Variants in SRPRA observed in about 807,000 individuals in gnomAD.
SRPRA encodes SRP receptor subunit alpha.
SRPRA carries 30 observed loss-of-function variants against 61.1 expected under a neutral mutation model. That is an observed-to-expected ratio of 0.49 (90% confidence interval 0.37 to 0.67). The LOEUF (loss-of-function observed/expected upper bound fraction) is 0.67, where lower values mean the gene tolerates loss of function less well. Among genes scored for constraint, SRPRA ranks in the 30% least tolerant of loss-of-function variants. The pLI is 0.00. For missense variants in SRPRA, 759 were observed against 828.4 expected (o/e 0.92, Z 1.03); for synonymous variants, 324 against 299.7 (o/e 1.08, Z -0.84).
the SRPRA span, among the ~76,000 whole-genome samples, chr11:126,246,197 C>T: frequency 4.3e-4 from 65 of 151,926 alleles, 1 homozygote; most frequent in South Asian, 0.012. Context: ...AGAAGTATTG[C>T]GATTATGTTT....
chr11:126,240,765 A>G, the SRPRA span: 17 of 1,580,686 alleles, frequency 1.1e-5, no homozygotes, highest in African/African-American at 4.1e-5. Context: ...GGATATTCCA[A>G]TCCTCTCATT....
At chr11:126,266,140 C>T (rs1950804727) in intron 7 of SRPRA, 47 bp downstream of exon 7, 4 of 1,612,852 alleles carry the variant, frequency 2.5e-6, no homozygotes, top group Non-Finnish European at 3.4e-6. Context: ...TTGTATCTTA[C>T]CAGTTTTGCA....
chr11:126,256,444 C>A, the SRPRA span: 2 of 794,940 alleles, frequency 2.5e-6, no homozygotes, highest in Non-Finnish European at 4.0e-6. The surrounding 1 kb of genome is among the most constrained non-coding windows in gnomAD (Gnocchi z 6.6). Context: ...TGGGACATAC[C>A]AACCCACTTA....
chr11:126,246,548 T>A, the SRPRA span, among the ~76,000 whole-genome samples: 2 of 152,172 alleles, frequency 1.3e-5, no homozygotes, highest in African/African-American at 2.4e-5. Flanking sequence ...GGCACATAGT[T>A]GATGCACTAG....
At chr11:126,254,876 A>G in the SRPRA span, among the ~76,000 whole-genome samples, 1 of 152,218 alleles carries the variant, frequency 6.6e-6, no homozygotes, top group African/African-American at 2.4e-5. Flanking sequence ...GTGCTTCTTA[A>G]CTTATGGGTG....
rs962862255 is a variant in SRPRA at position 126,267,817 on chromosome 11, C to A, written c.202-105G>T. 1 of 1,519,314 alleles carries A rather than the reference C, an allele frequency of 6.6e-7. No homozygotes were observed. Among genetic ancestry groups the A allele is most frequent in the East Asian group, 2.3e-5 (1 of 44,150 alleles). 94.1% of individuals were successfully genotyped at this position (1,519,314 alleles called of 1,614,324 possible). A position where few individuals can be genotyped will look rare whatever the true frequency, so the allele number is the denominator to read the frequency against. On this transcript the variant is annotated intron_variant, in intron 2 of 13. Coordinates refer to ENST00000332118, the MANE Select transcript of SRPRA (RefSeq NM_003139.4). This position sits in a 1 kb window ranked among gnomAD's most constrained non-coding sequence, Gnocchi z 4.2. ...TCAGAGATAGGTTCAGCTACCTGGC[C>A]GGTTTCCCTGTCCTGAGAGGCAGCC...
At position 126,263,219 on chromosome 11, in the gene SRPRA, A is replaced by G. The variant is rs1350494007; in HGVS notation, c.*697T>C. 6.6e-6 allele frequency: 1 copy of G among 152,390 alleles called. No homozygotes were observed. Among genetic ancestry groups the G allele is most frequent in the Non-Finnish European group, 1.5e-5 (1 of 68,092 alleles). 9.4% of individuals were successfully genotyped at this position (152,390 alleles called of 1,614,324 possible). ...CCAGGAAGGGGAACATGCAGAGCTTACTTCTGGATTCTGGGAGTGGGAAGA... is the reference window on the plus strand; with the variant it reads ...CCAGGAAGGGGAACATGCAGAGCTTGCTTCTGGATTCTGGGAGTGGGAAGA... On this transcript the variant is annotated 3_prime_UTR_variant, in exon 14 of 14. Transcript: ENST00000332118.
the SRPRA span, among the ~76,000 whole-genome samples, chr11:126,239,477 C>G: frequency 6.6e-6 from 1 of 152,126 alleles, no homozygotes; most frequent in Non-Finnish European, 1.5e-5. Flanking sequence ...CTTGATTGCT[C>G]TGAACTGAAA....
At chr11:126,254,200 G>A in the SRPRA span, 2 of 1,366,270 alleles carry the variant, frequency 1.5e-6, no homozygotes, top group African/African-American at 1.5e-5. Context: ...AAGCTAGAGA[G>A]TTTATGTCAG....
Position 126,266,903 on chromosome 11 carries a change from A to G in SRPRA, c.546T>C (p.Ala182=). ...TTTCTGCAGGGACTGGTTTGCTGGT[A>G]GCCAAAGGACCATCAGAACCTGTTG... ...AKKEGSDGPL[A]TSKPVPAEKS... The change falls in exon 5 of 14, where the codon GCT becomes GCC. Residue 182 remains alanine (A), a synonymous_variant. Coordinates refer to ENST00000332118, the MANE Select transcript of SRPRA (RefSeq NM_003139.4). 1 of 1,614,174 alleles carries G rather than the reference A, an allele frequency of 6.2e-7. No homozygotes were observed. The highest frequency in any genetic ancestry group is 8.5e-7 in the Non-Finnish European group (1 of 1,180,012).
downstream of SRPRA, chr11:126,261,557 A>G: frequency 7.7e-7 from 1 of 1,303,718 alleles, no homozygotes; most frequent in Non-Finnish European, 1.1e-6. Context: ...TTAAGAATAT[A>G]GAGAATGTTA....
chr11:126,255,438 A>AT, the SRPRA span, among the ~76,000 whole-genome samples: 30 of 152,098 alleles, frequency 2.0e-4, no homozygotes, highest in African/African-American at 5.3e-4. The surrounding 1 kb of genome is among the most constrained non-coding windows in gnomAD (Gnocchi z 4.6). Flanking sequence ...CATCTCTGAC[A>AT]TTGAGTGATC....
In SRPRA at chr11:126,264,696, G is replaced by C; in HGVS notation, c.1526-157C>G. 1.1e-6 allele frequency: 1 copy of C among 897,378 alleles called. No homozygotes were observed. Among genetic ancestry groups the C allele is most frequent in the Non-Finnish European group, 1.6e-6 (1 of 606,926 alleles). The allele number at this position is 897,378 out of a possible 1,614,324, so 55.6% of individuals were successfully genotyped here. A position where few individuals can be genotyped will look rare whatever the true frequency, so the allele number is the denominator to read the frequency against. ...TGAGAAAAACTTGATTATATGCTTG[G>C]CCATCACCAAACATATTCAGGAAAA... On this transcript the variant is annotated intron_variant, in intron 11 of 13. Coordinates refer to ENST00000332118, the MANE Select transcript of SRPRA (RefSeq NM_003139.4). This position sits in a 1 kb window ranked among gnomAD's most constrained non-coding sequence, Gnocchi z 5.0.
chr11:126,240,038 G>C, the SRPRA span, among the ~76,000 whole-genome samples: 1 of 152,286 alleles, frequency 6.6e-6, no homozygotes, highest in Non-Finnish European at 1.5e-5. Context: ...AAATTAATGT[G>C]AAGGAACATA....
the SRPRA span, among the ~76,000 whole-genome samples, chr11:126,239,779 G>T: frequency 6.6e-6 from 1 of 152,158 alleles, no homozygotes; most frequent in African/African-American, 2.4e-5. Context: ...CCCCCAAAGT[G>T]CTGGGATTAC....
At chr11:126,239,790 A>G in the SRPRA span, among the ~76,000 whole-genome samples, 1 of 152,224 alleles carries the variant, frequency 6.6e-6, no homozygotes, top group African/African-American at 2.4e-5. Flanking sequence ...CTGGGATTAC[A>G]GGCGTGAGCC....
At chr11:126,262,026 T>C, downstream of SRPRA, 1 of 1,213,920 alleles carries the variant, frequency 8.2e-7, no homozygotes, top group South Asian at 1.3e-5. Context: ...TCTTGCCTTC[T>C]GAAGGGTTAG....
Position 126,266,215 on chromosome 11 carries a change from C to T in SRPRA, c.904G>A (p.Gly302Arg). The T allele has an allele frequency of 6.2e-7, 1 of 1,614,172 alleles. No individual in the cohort carries two copies. The highest frequency in any genetic ancestry group is 8.5e-7 in the Non-Finnish European group (1 of 1,180,036). ...DLDCSSSDDE[G>R]AAQNSTKPSA... is the part of the protein sequence containing the mutation. ...GGTTTGGTAGAGTTTTGAGCAGCCC[C>T]TTCGTCATCAGAGCTGCTGCAGTCC... is the stretch of plus-strand genomic sequence containing the variant. The change falls in exon 7 of 14, where the codon GGG (glycine) becomes AGG (arginine). Residue 302 changes from glycine to arginine, a missense_variant. Coordinates refer to ENST00000332118, the MANE Select transcript of SRPRA (RefSeq NM_003139.4).
In SRPRA at chr11:126,267,852, G is replaced by C; in HGVS notation, c.202-140C>G. Reference sequence around the variant, plus strand: ...GTCCTGAGAGGCAGCCAAGCTCCCTGCCTGGGCCCAGTAGCTGCTGTTTTC... The same window carrying C: ...GTCCTGAGAGGCAGCCAAGCTCCCTCCCTGGGCCCAGTAGCTGCTGTTTTC... On this transcript the variant is annotated intron_variant, in intron 2 of 13. Coordinates refer to ENST00000332118, the MANE Select transcript of SRPRA (RefSeq NM_003139.4). This position sits in a 1 kb window ranked among gnomAD's most constrained non-coding sequence, Gnocchi z 4.2. The C allele has an allele frequency of 1.4e-6, 2 of 1,397,850 alleles. No individual in the cohort carries two copies. Among genetic ancestry groups the C allele is most frequent in the Non-Finnish European group, 2.0e-6 (2 of 1,009,826 alleles). 86.6% of individuals were successfully genotyped at this position (1,397,850 alleles called of 1,614,324 possible).
Sources: allele counts gnomAD v4.1 joint callset (sites outside exome capture counted in the v4.1 genomes callset), GRCh38; gene constraint gnomAD v4.1.1; non-coding constraint Gnocchi (gnomAD v3.1); transcripts MANE v1.5; gene names NCBI Gene and HGNC (gene_info 2026-07-23, HGNC 2026-07-21).